Variants in SLX4 observed in about 807,000 individuals in gnomAD.
The protein encoded by SLX4 is SLX4 structure-specific endonuclease subunit, also known as structure-specific endonuclease subunit SLX4.
Under a neutral mutation model 146.2 loss-of-function variants are expected in SLX4, and 112 were observed. The observed-to-expected ratio is 0.77, with a 90% CI of 0.66 to 0.90. SLX4 has a LOEUF of 0.90. Among genes scored for constraint, SLX4 ranks in the 40% least tolerant of loss-of-function variants. SLX4 has a pLI of 0.00. For missense variants in SLX4, 2,563 were observed against 2,392.7 expected (o/e 1.07, Z -1.49); for synonymous variants, 1,061 against 997.7 (o/e 1.06, Z -1.20).
chr16:3,586,723 C>T (rs1158081808), intron 12 of SLX4, among the ~76,000 whole-genome samples: 4 of 150,990 alleles, frequency 2.6e-5, no homozygotes, highest in Middle Eastern at 3.2e-3. Context: ...GAGGCTGAGG[C>T]GGGAGAATCG....
rs111410156 is a variant in SLX4, at chr16:3,585,113, C to T, written c.4637-242G>A. On this transcript the variant is annotated intron_variant, in intron 12 of 14. Coordinates refer to ENST00000294008, the MANE Select transcript of SLX4 (RefSeq NM_032444.4). Reference sequence around the variant, plus strand: ...CACGGGTGCCGGGTGAACAGAGCTCCTGGGGCCACTGAACCCAACAGCCCG... The same window carrying T: ...CACGGGTGCCGGGTGAACAGAGCTCTTGGGGCCACTGAACCCAACAGCCCG... Among the ~76,000 whole-genome samples the T allele has an allele frequency of 4.2e-3, 636 of 152,250 alleles. 3 individuals carry two copies. The highest frequency in any genetic ancestry group is 0.014 in the African/African-American group (593 of 41,544).
Position 3,601,098 on chromosome 16 carries a change from G to T in SLX4, c.1044C>A (p.Ser348Arg). 6.2e-7 allele frequency: 1 copy of T among 1,614,174 alleles called. No individual in the cohort carries two copies. The highest frequency in any genetic ancestry group is 8.5e-7 in the Non-Finnish European group (1 of 1,180,042). The stretch of plus-strand genomic sequence containing the variant: ...CACACTGCTTCAAGTGACTGGTTCT[G>T]CTCTTTAAGGTAAGAAACGGTTTCC... ...ICGKPFLTLK[S>R]RTSHLKQCAV... Residue 348 changes from serine (S) to arginine (R), a missense_variant, in exon 5 of 15, where the codon AGC becomes AGA. Transcript: ENST00000294008.
intron 10 of SLX4, among the ~76,000 whole-genome samples, chr16:3,594,018 C>T (rs1451058698): frequency 6.6e-6 from 1 of 152,078 alleles, no homozygotes; most frequent in East Asian, 1.9e-4. Context: ...ACTACAGGCG[C>T]CCGCCACCAT....
In SLX4 at chr16:3,589,042, G is replaced by A. The variant is rs527733303; in HGVS notation, c.4596C>T (p.Ser1532=). Residue 1532 remains serine, a synonymous_variant, in exon 12 of 15, where the codon AGC becomes AGT. Coordinates refer to ENST00000294008, the MANE Select transcript of SLX4 (RefSeq NM_032444.4). This position sits in a 1 kb window ranked among gnomAD's most constrained non-coding sequence, Gnocchi z 6.2. ...CTTCGGGCTTCTGAGCTCCACCAGCGCTTGGCATCTGGGCCGGAGGAGGGG... is the reference window on the plus strand; with the variant it reads ...CTTCGGGCTTCTGAGCTCCACCAGCACTTGGCATCTGGGCCGGAGGAGGGG... ...PETPPPAQMP[S]AGGAQKPEGL... is the part of the protein sequence containing the mutation. 19 of 1,614,126 alleles carry A rather than the reference G, an allele frequency of 1.2e-5. No homozygotes were observed. Among genetic ancestry groups the A allele is most frequent in the African/African-American group, 6.7e-5 (5 of 75,046 alleles).
intron 12 of SLX4, among the ~76,000 whole-genome samples, chr16:3,585,396 C>G (rs1202949073): frequency 1.3e-5 from 2 of 152,066 alleles, no homozygotes; most frequent in African/African-American, 2.4e-5. Flanking sequence ...ACCATCCTGG[C>G]TAACACGGTG....
Position 3,608,660 on chromosome 16 carries a change from G to C in SLX4, c.305C>G (p.Thr102Ser). ...RTKQTATKTKTLQGPAEKKPP... is the reference protein window; with the variant it reads ...RTKQTATKTKSLQGPAEKKPP... The stretch of plus-strand genomic sequence containing the variant: ...TTTCTTCTCTGCAGGGCCTTGAAGG[G>C]TTTTGGTCTTGGTAGCAGTTTGTTT... Residue 102 changes from threonine (T) to serine (S), a missense_variant, in exon 2 of 15, where the codon ACC becomes AGC. Transcript: ENST00000294008. The C allele has an allele frequency of 1.2e-6, 2 of 1,614,182 alleles. No individual in the cohort carries two copies. Among genetic ancestry groups the C allele is most frequent in the Non-Finnish European group, 1.7e-6 (2 of 1,180,044 alleles).
intron 8 of SLX4, 40 bp from the exon 9 acceptor site, chr16:3,595,733 C>T (rs761697044): frequency 1.2e-5 from 20 of 1,604,454 alleles, no homozygotes; most frequent in Non-Finnish European, 1.5e-5. Context: ...CGTCACAGCC[C>T]AGCCACATCC....
intron 4 of SLX4, chr16:3,601,401 G>T (rs2151134332): frequency 1.7e-6 from 1 of 605,772 alleles, no homozygotes; most frequent in Non-Finnish European, 3.0e-6. Flanking sequence ...AGAAAGCAAG[G>T]AAAGATTAAA....
Position 3,596,367 on chromosome 16 carries a change from A to G in SLX4, c.1710T>C (p.Pro570=). 3.8e-6 allele frequency: 6 copies of G among 1,597,446 alleles called. No homozygotes were observed. In the South Asian group the frequency reaches 4.5e-5, roughly 12 times the overall value. ...AQGLMQEPVP[P]LVPPEHSELS... is the part of the protein sequence containing the mutation. Reference sequence around the variant, plus strand: ...GCTCTGAGTGCTCAGGTGGCACCAGAGGCGGCACGGGCTCCTGCATAAGGC... The same window carrying G: ...GCTCTGAGTGCTCAGGTGGCACCAGGGGCGGCACGGGCTCCTGCATAAGGC... Residue 570 remains proline, a synonymous_variant, in exon 8 of 15, where the codon CCT becomes CCC. Coordinates refer to ENST00000294008, the MANE Select transcript of SLX4 (RefSeq NM_032444.4).
chr16:3,585,305 G>A (rs1436984984), intron 12 of SLX4, among the ~76,000 whole-genome samples: 1 of 152,114 alleles, frequency 6.6e-6, no homozygotes, highest in African/African-American at 2.4e-5. Flanking sequence ...TGGGCAAAGG[G>A]GCCGGGCGCG....
At position 3,596,217 on chromosome 16, in the gene SLX4, C is replaced by A; in HGVS notation, c.1860G>T (p.Arg620Ser). 2 of 1,551,014 alleles carry A rather than the reference C, an allele frequency of 1.3e-6. No homozygotes were observed. Among genetic ancestry groups the A allele is most frequent in the Non-Finnish European group, 1.7e-6 (2 of 1,149,494 alleles). ...GCCACGGGCTGGCGCTCAGTCCCTCCCTCGCCAGGTCCACGAGGTCCTGCA... is the reference window on the plus strand; with the variant it reads ...GCCACGGGCTGGCGCTCAGTCCCTCACTCGCCAGGTCCACGAGGTCCTGCA... ...QALQDLVDLA[R>S]EGLSASPWPG... is the part of the protein sequence containing the mutation. The change falls in exon 8 of 15, where the codon AGG becomes AGT. Residue 620 changes from arginine to serine, a missense_variant. By Grantham distance (110) the Arg-to-Ser change is moderately radical. Coordinates refer to ENST00000294008, the MANE Select transcript of SLX4 (RefSeq NM_032444.4).
At chr16:3,596,570 T>C (rs1015607157) in intron 7 of SLX4, among the ~76,000 whole-genome samples, 177 bp from the exon 8 acceptor site, 8 of 152,184 alleles carry the variant, frequency 5.3e-5, no homozygotes, top group African/African-American at 1.9e-4. Context: ...CTGGGATGCT[T>C]TTCCCCAGCA....
At position 3,591,249 on chromosome 16, in the gene SLX4, C is replaced by T. The variant is rs373595621; in HGVS notation, c.2389G>A (p.Gly797Ser). Reference protein sequence around the residue: ...EQVPIATDSEGKPWEEKEAEN... With the variant: ...EQVPIATDSESKPWEEKEAEN... ...GCTTCCTTCTCCTCCCATGGTTTGC[C>T]CTCTGAGTCAGTGGCAATAGGCACC... Residue 797 changes from glycine (G) to serine (S), a missense_variant, in exon 12 of 15, where the codon GGC becomes AGC. By Grantham distance (56) the Gly-to-Ser change is moderately conservative (BLOSUM62 0). Transcript: ENST00000294008. 6.8e-6 allele frequency: 11 copies of T among 1,613,204 alleles called. No homozygotes were observed. In the Admixed American group the frequency reaches 1.5e-4, roughly 22 times the overall value.
intron 1 of SLX4, among the ~76,000 whole-genome samples, chr16:3,609,913 T>C (rs1342812705): frequency 1.3e-5 from 2 of 152,230 alleles, no homozygotes; most frequent in East Asian, 3.8e-4. Flanking sequence ...TACACTGATC[T>C]AAGACCCCTG....
intron 2 of SLX4, among the ~76,000 whole-genome samples, chr16:3,607,571 C>G (rs763448534): frequency 9.9e-5 from 15 of 152,208 alleles, no homozygotes; most frequent in Non-Finnish European, 7.4e-5. Flanking sequence ...GTGGTCCCAG[C>G]TACTCGGGAG....
chr16:3,610,029 C>G (rs193268004), intron 1 of SLX4, among the ~76,000 whole-genome samples: 117 of 152,350 alleles, frequency 7.7e-4, no homozygotes, highest in African/African-American at 2.7e-3. Flanking sequence ...TACTTATCTT[C>G]TCAACCCAGC....
At position 3,592,815 on chromosome 16, in the gene SLX4, A is replaced by G. The variant is rs113436106; in HGVS notation, c.2211T>C (p.Arg737=). Residue 737 remains arginine (R), a synonymous_variant, in exon 11 of 15, where the codon CGT becomes CGC. Coordinates refer to ENST00000294008, the MANE Select transcript of SLX4 (RefSeq NM_032444.4). The part of the protein sequence containing the change: ...SAVEDGVLTQ[R]VLLGDVSTEA... ...CGGTGCTCACGTCACCCAGCAGGAC[A>G]CGCTGGGTCAGAACCCCGTCCTCTA... is the stretch of plus-strand genomic sequence containing the variant. 8 of 1,612,384 alleles carry G rather than the reference A, an allele frequency of 5.0e-6. No homozygotes were observed. The Admixed American group carries it at 5.0e-5, about 10-fold the overall frequency.
Position 3,602,301 on chromosome 16 carries a change from C to G in SLX4, c.767G>C (p.Gly256Ala), listed in dbSNP as rs2040736808. 17 of 1,613,872 alleles carry G rather than the reference C, an allele frequency of 1.1e-5. No homozygotes were observed. Among genetic ancestry groups the G allele is most frequent in the Non-Finnish European group, 1.4e-5 (17 of 1,180,040 alleles). Residue 256 changes from glycine to alanine, a missense_variant, in exon 4 of 15, where the codon GGG (glycine) becomes GCG (alanine). Coordinates refer to ENST00000294008, the MANE Select transcript of SLX4 (RefSeq NM_032444.4). ...QEEMMAGNVYGLGPPAPESDA... is the reference protein window; with the variant it reads ...QEEMMAGNVYALGPPAPESDA... The stretch of plus-strand genomic sequence containing the variant: ...GCTCTCTGGGGCAGGGGGCCCAAGC[C>G]CATACACTGTGGAGAAGCACCAAAG...
chr16:3,606,538 G>A lies in SLX4; in HGVS notation c.696C>T (p.Ser232=). ...ERLRHASEEC[S]LEAAREENVP... The stretch of plus-strand genomic sequence containing the variant: ...CATTTTCTTCCCGCGCAGCCTCGAG[G>A]GAGCACTCTTCTGAAGCGTGTCTCA... The change falls in exon 3 of 15, where the codon TCC becomes TCT. Residue 232 remains serine, a synonymous_variant. Coordinates refer to ENST00000294008, the MANE Select transcript of SLX4 (RefSeq NM_032444.4). 1 of 1,614,166 alleles carries A rather than the reference G, an allele frequency of 6.2e-7. No homozygotes were observed.
Sources: gnomAD v4.1 joint callset for allele counts (sites outside exome capture counted in the v4.1 genomes callset) on GRCh38, gnomAD v4.1.1 for gene constraint, Gnocchi (gnomAD v3.1) non-coding constraint, MANE v1.5 for transcripts, NCBI Gene and HGNC (gene_info 2026-07-23, HGNC 2026-07-21) for gene names.